DOCK1: variants seen among roughly 807,000 people sequenced by gnomAD.
DOCK1 encodes dedicator of cytokinesis 1, also known as dedicator of cytokinesis protein 1.
In DOCK1, 138 loss-of-function variants were observed where a neutral mutation model predicts 262.7. The ratio of observed to expected loss-of-function variants is 0.53; its 90% CI spans 0.46 to 0.61. The LOEUF is 0.61. DOCK1 is among the 20% of genes least tolerant of loss of function. DOCK1 has a pLI of 0.00. For missense variants in DOCK1, 1,908 were observed against 2,370.7 expected (o/e 0.80, Z 4.05); for synonymous variants, 866 against 867.4 (o/e 1.00, Z 0.03).
chr10:127,409,086 T>C lies in DOCK1; in HGVS notation c.4172T>C (p.Phe1391Ser). 6.2e-7 allele frequency: 1 copy of C among 1,601,522 alleles called. No individual in the cohort carries two copies. The highest frequency in any genetic ancestry group is 8.5e-7 in the Non-Finnish European group (1 of 1,173,388). ...AAAGAGTATGAGCGCCGGGAAGATT[T>C]TGAGGCTCGGCTCTTAACTCAGTTT... ...RGKEYERRED[F>S]EARLLTQFPN... The change falls in exon 41 of 52, where the codon TTT becomes TCT. Residue 1391 changes from phenylalanine to serine, a missense_variant. Around this residue, in one of 9 missense-constraint regions of DOCK1, gnomAD observed 267 missense variants for 366.3 expected, o/e 0.73. Coordinates refer to ENST00000623213, the MANE Select transcript of DOCK1 (RefSeq NM_001290223.2).
At chr10:127,284,407 A>G (rs893512901) in intron 29 of DOCK1, among the ~76,000 whole-genome samples, 1 of 152,182 alleles carries the variant, frequency 6.6e-6, no homozygotes, top group Admixed American at 6.5e-5. Context: ...ATTATTTTAT[A>G]TTAAACTTTT....
intron 47 of DOCK1, among the ~76,000 whole-genome samples, chr10:127,431,655 G>A (rs12354451): frequency 0.11 from 16,229 of 152,276 alleles, 1,037 homozygotes; most frequent in South Asian, 0.17. Flanking sequence ...ACGTCACTCA[G>A]AGCCAGTGGT....
At chr10:127,444,413 C>A in intron 50 of DOCK1, 134 bp downstream of exon 50, 2 of 1,185,286 alleles carry the variant, frequency 1.7e-6, no homozygotes, top group Non-Finnish European at 2.3e-6. Flanking sequence ...CACCTGGCTC[C>A]CTGGGAGTGT....
intron 38 of DOCK1, among the ~76,000 whole-genome samples, chr10:127,401,324 G>T (rs1197591616): frequency 6.6e-6 from 1 of 152,148 alleles, no homozygotes; most frequent in African/African-American, 2.4e-5. Flanking sequence ...TCAGAAGAAG[G>T]AATTCGATTG....
intron 46 of DOCK1, among the ~76,000 whole-genome samples, chr10:127,422,359 G>A (rs920701445): frequency 3.3e-5 from 5 of 151,586 alleles, no homozygotes; most frequent in African/African-American, 1.2e-4. Context: ...TAGAGATGGG[G>A]TTTCACCATG....
chr10:127,298,204 C>T (rs1763877571), intron 29 of DOCK1, among the ~76,000 whole-genome samples: 1 of 152,100 alleles, frequency 6.6e-6, no homozygotes, highest in Non-Finnish European at 1.5e-5. Flanking sequence ...CCTTAATGTC[C>T]AAACAAATAA....
intron 27 of DOCK1, among the ~76,000 whole-genome samples, chr10:127,247,500 G>A (rs184568856): frequency 2.4e-4 from 36 of 152,158 alleles, no homozygotes; most frequent in Middle Eastern, 3.4e-3. Context: ...ACATTTTGCC[G>A]GATAATAAGG....
chr10:127,190,679 C>CCT (rs2056678716), intron 27 of DOCK1, among the ~76,000 whole-genome samples: 1 of 63,424 alleles, frequency 1.6e-5, no homozygotes, highest in African/African-American at 7.3e-5. Flanking sequence ...CCCCCCCCCC[C>CCT]CCCCGTTCCT....
chr10:127,336,821 G>C (rs182861546), intron 29 of DOCK1, among the ~76,000 whole-genome samples: 5 of 152,286 alleles, frequency 3.3e-5, no homozygotes, highest in Admixed American at 3.3e-4. Flanking sequence ...TTACAGGCGT[G>C]AGCCACCGCG....
At chr10:127,055,983 G>T (rs984491783) in intron 22 of DOCK1, among the ~76,000 whole-genome samples, 1 of 152,162 alleles carries the variant, frequency 6.6e-6, no homozygotes, top group African/African-American at 2.4e-5. Context: ...AGCCAGGCAT[G>T]GTCCACAAAC....
chr10:127,094,820 C>T (rs1430272613), intron 23 of DOCK1, among the ~76,000 whole-genome samples: 2 of 152,132 alleles, frequency 1.3e-5, no homozygotes, highest in African/African-American at 4.8e-5. Context: ...GGAACTGGAC[C>T]GTTTTCCTGT....
intron 12 of DOCK1, among the ~76,000 whole-genome samples, chr10:127,017,526 GAC>G (rs1374895730): frequency 4.4e-5 from 6 of 137,232 alleles, no homozygotes; most frequent in East Asian, 4.4e-4. Flanking sequence ...CACGTGTACA[GAC>G]ACACATGGAC....
rs1158178580 is a variant in DOCK1, at chr10:126,939,712, G to C, written c.47-30990G>C. On this transcript the variant is annotated intron_variant, in intron 1 of 51. Coordinates refer to ENST00000623213, the MANE Select transcript of DOCK1 (RefSeq NM_001290223.2). Reference sequence around the variant, plus strand: ...TCTTCAGTCCAGATGAGTCCGAGTCGTCACGAGACCAGTGTTCTGTGATGG... The same window carrying C: ...TCTTCAGTCCAGATGAGTCCGAGTCCTCACGAGACCAGTGTTCTGTGATGG... 2.6e-5 allele frequency among the ~76,000 whole-genome samples: 4 copies of C among 152,270 alleles called. No homozygotes were observed. In the East Asian group the frequency reaches 7.7e-4, roughly 29 times the overall value.
chr10:126,975,799 G>A (rs1418626453), intron 2 of DOCK1, among the ~76,000 whole-genome samples: 1 of 144,192 alleles, frequency 6.9e-6, no homozygotes, highest in South Asian at 2.3e-4. Flanking sequence ...TTTTTTTTTA[G>A]TAGAGACGGG....
At chr10:127,097,409 T>A (rs2047976347) in intron 23 of DOCK1, among the ~76,000 whole-genome samples, 1 of 152,212 alleles carries the variant, frequency 6.6e-6, no homozygotes, top group South Asian at 2.1e-4. Context: ...TGTGATTCTC[T>A]CTGATTTTGT....
At chr10:127,161,720 G>A (rs954690212) in intron 27 of DOCK1, among the ~76,000 whole-genome samples, 2 of 152,018 alleles carry the variant, frequency 1.3e-5, no homozygotes, top group Non-Finnish European at 2.9e-5. Context: ...CACTCTCCTC[G>A]CCTCTGCTCC....
chr10:127,329,182 A>T (rs2766059), intron 29 of DOCK1, among the ~76,000 whole-genome samples: 4 of 151,824 alleles, frequency 2.6e-5, no homozygotes, highest in Non-Finnish European at 5.9e-5. Flanking sequence ...AGCTGATGAC[A>T]CACATTCCTA....
At chr10:127,145,993 C>T (rs756951617) in intron 27 of DOCK1, 1 of 516,936 alleles carries the variant, frequency 1.9e-6, no homozygotes. Flanking sequence ...GGACCCCGCA[C>T]CCTGAATTCC....
chr10:127,345,447 C>G (rs2063589269), intron 31 of DOCK1, among the ~76,000 whole-genome samples: 1 of 152,184 alleles, frequency 6.6e-6, no homozygotes, highest in African/African-American at 2.4e-5. Flanking sequence ...CGATTTTCAC[C>G]TGGGCTGCTT....
Sources: allele counts gnomAD v4.1 joint callset (sites outside exome capture counted in the v4.1 genomes callset), GRCh38; gene constraint gnomAD v4.1.1; regional missense constraint gnomAD v4.1.1; transcripts MANE v1.5; gene names NCBI Gene and HGNC (gene_info 2026-07-23, HGNC 2026-07-21).